Variants in IQGAP2 observed in about 807,000 individuals in gnomAD.
IQGAP2 encodes IQ motif containing GTPase activating protein 2.
IQGAP2 carries 173 observed loss-of-function variants against 201.3 expected under a neutral mutation model. The ratio of observed to expected loss-of-function variants is 0.86; its 90% CI spans 0.76 to 0.98. The LOEUF (loss-of-function observed/expected upper bound fraction) is 0.98, where lower values mean the gene tolerates loss of function less well. IQGAP2 is among the 50% of genes least tolerant of loss of function. IQGAP2 has a pLI of 0.00. For synonymous variants in IQGAP2, 675 were observed against 673.9 expected, an observed-to-expected ratio of 1.00 and a Z score of -0.03; for missense variants, 1,687 against 1,864.8, an observed-to-expected ratio of 0.90 and a Z score of 1.76.
chr5:76,416,827 G>C (rs1222258328), intron 1 of IQGAP2, among the ~76,000 whole-genome samples: 1 of 151,282 alleles, frequency 6.6e-6, no homozygotes, highest in African/African-American at 2.4e-5. Flanking sequence ...CACCCGGCCT[G>C]AGCTCTTCTT....
intron 2 of IQGAP2, among the ~76,000 whole-genome samples, chr5:76,508,566 G>C (rs569743312): frequency 6.6e-6 from 1 of 151,924 alleles, no homozygotes; most frequent in Non-Finnish European, 1.5e-5. Context: ...GATCAGACCC[G>C]GTTTGGTGGC....
chr5:76,532,791 CA>C (rs1473871230), intron 2 of IQGAP2, among the ~76,000 whole-genome samples: 4 of 152,100 alleles, frequency 2.6e-5, no homozygotes, highest in Non-Finnish European at 4.4e-5. Context: ...CTCTTTGCCC[CA>C]ACACCCACAG....
intron 2 of IQGAP2, among the ~76,000 whole-genome samples, chr5:76,472,749 AC>A (rs1468950503): frequency 6.6e-6 from 1 of 152,246 alleles, no homozygotes; most frequent in Non-Finnish European, 1.5e-5. Flanking sequence ...ATTTTAAAAT[AC>A]AAATAATCGG....
chr5:76,638,150 T>C (rs2150397194), intron 16 of IQGAP2, among the ~76,000 whole-genome samples: 1 of 152,364 alleles, frequency 6.6e-6, no homozygotes, highest in East Asian at 1.9e-4. Flanking sequence ...GGGGAACATT[T>C]GTTATTTTAA....
Position 76,525,138 on chromosome 5 carries a change from G to T in IQGAP2, c.147-37258G>T, listed in dbSNP as rs183971226. On this transcript the variant is annotated intron_variant, in intron 2 of 35. Transcript: ENST00000274364. ...GCATTTTCAAATATAAGAGAAGGAT[G>T]TTACCTGATACTCAGAGAATCTTGG... Among the ~76,000 whole-genome samples the T allele has an allele frequency of 2.6e-5, 4 of 152,292 alleles. No homozygotes were observed. In the East Asian group the frequency reaches 7.7e-4, roughly 29 times the overall value.
At chr5:76,581,046 C>A (rs1417229773) in intron 5 of IQGAP2, among the ~76,000 whole-genome samples, 1 of 152,208 alleles carries the variant, frequency 6.6e-6, no homozygotes, top group Non-Finnish European at 1.5e-5. Context: ...TGTGTCGCAG[C>A]AGCCATGTTT....
At chr5:76,580,865 G>A (rs941578050) in intron 5 of IQGAP2, among the ~76,000 whole-genome samples, 2 of 152,218 alleles carry the variant, frequency 1.3e-5, no homozygotes, top group African/African-American at 2.4e-5. Flanking sequence ...TAAAAGTCAT[G>A]TGTTTATATT....
intron 1 of IQGAP2, among the ~76,000 whole-genome samples, chr5:76,447,040 TCA>T (rs1261699368): frequency 6.6e-6 from 1 of 152,206 alleles, no homozygotes; most frequent in Non-Finnish European, 1.5e-5. Flanking sequence ...GCTCTGCGGA[TCA>T]CAGAGATTGG....
intron 22 of IQGAP2, among the ~76,000 whole-genome samples, chr5:76,667,319 A>T (rs1406185467): frequency 1.3e-5 from 2 of 152,216 alleles, no homozygotes; most frequent in Admixed American, 6.5e-5. Flanking sequence ...AAGTAAACCT[A>T]AGTGATAAAG....
At position 76,550,221 on chromosome 5, in the gene IQGAP2, G is replaced by GA. The variant is rs1743356109; in HGVS notation, c.147-12169dup. On this transcript the variant is annotated intron_variant, in intron 2 of 35. Coordinates refer to ENST00000274364, the MANE Select transcript of IQGAP2 (RefSeq NM_006633.5). ...TCCAAAAGGGAAAACTTGGAAGGAA[G>GA]AAAAAAGGGTCATGGGTCCAAAGCA... Among the ~76,000 whole-genome samples the GA allele has an allele frequency of 3.9e-5, 6 of 152,088 alleles. No individual in the cohort carries two copies. In the South Asian group the frequency reaches 1.2e-3, roughly 32 times the overall value.
intron 13 of IQGAP2, chr5:76,624,489 A>C (rs1006129229): frequency 6.6e-6 from 1 of 152,226 alleles, no homozygotes; most frequent in African/African-American, 2.4e-5. Flanking sequence ...TACAAAGGTC[A>C]GTGTTTAATA....
intron 2 of IQGAP2, among the ~76,000 whole-genome samples, chr5:76,541,279 AAT>A (rs1247376422): frequency 6.6e-6 from 1 of 152,134 alleles, no homozygotes; most frequent in Non-Finnish European, 1.5e-5. Flanking sequence ...GGAATCATAG[AAT>A]ATGTGTCCTT....
At chr5:76,473,980 A>C (rs1389579944) in intron 2 of IQGAP2, among the ~76,000 whole-genome samples, 6 of 152,198 alleles carry the variant, frequency 3.9e-5, no homozygotes, top group Admixed American at 3.9e-4. Context: ...GGGGGAGAAC[A>C]TTTGTACAAG....
chr5:76,640,334 C>A (rs1050979379), intron 16 of IQGAP2, among the ~76,000 whole-genome samples: 2 of 152,178 alleles, frequency 1.3e-5, no homozygotes, highest in Non-Finnish European at 2.9e-5. Context: ...CCTGTTCATA[C>A]CCCACATGAA....
chr5:76,593,728 C>G (rs1354828532), intron 9 of IQGAP2, among the ~76,000 whole-genome samples: 1 of 152,212 alleles, frequency 6.6e-6, no homozygotes, highest in Non-Finnish European at 1.5e-5. Context: ...GCCATTTAGC[C>G]TGCTTAATAA....
intron 20 of IQGAP2, among the ~76,000 whole-genome samples, chr5:76,657,175 T>C (rs2150442634): frequency 6.6e-6 from 1 of 152,348 alleles, no homozygotes; most frequent in East Asian, 1.9e-4. Context: ...TTTTTTCCGA[T>C]GGGACTGTTA....
intron 5 of IQGAP2, 143 bp downstream of exon 5, chr5:76,575,912 AAAATTAAAAT>A (rs1745439129): frequency 2.2e-6 from 1 of 456,570 alleles, no homozygotes; most frequent in East Asian, 3.5e-5. Flanking sequence ...TTGCTGGTAC[AAAATTAAAAT>A]AATGGTCACA....
chr5:76,670,987 G>A (rs1015207649), intron 23 of IQGAP2, among the ~76,000 whole-genome samples: 1 of 152,184 alleles, frequency 6.6e-6, no homozygotes, highest in African/African-American at 2.4e-5. Flanking sequence ...TATAAACTGG[G>A]AACAGTGGCT....
In IQGAP2 at chr5:76,589,631, T is replaced by C. The variant is rs1399832529; in HGVS notation, c.543T>C (p.Asn181=). ...CTTTGTTAGAGGAGGAAATCAGTAA[T>C]ATGAGAAAAGAACTTGAGAAATATG... is the stretch of plus-strand genomic sequence containing the variant. ...KVDFTEEEIS[N]MRKELEKYGI... Residue 181 remains asparagine (N), a synonymous_variant, in exon 7 of 36, where the codon AAT becomes AAC. Transcript: ENST00000274364. 3 of 1,591,774 alleles carry C rather than the reference T, an allele frequency of 1.9e-6. No homozygotes were observed. The highest frequency in any genetic ancestry group is 2.6e-6 in the Non-Finnish European group (3 of 1,165,020).
Sources: gnomAD v4.1 joint callset for allele counts (sites outside exome capture counted in the v4.1 genomes callset) on GRCh38, gnomAD v4.1.1 for gene constraint, MANE v1.5 for transcripts, NCBI Gene and HGNC (gene_info 2026-07-23, HGNC 2026-07-21) for gene names.